The following RALGPS1 variants were observed in gnomAD, a reference collection of about 807,000 sequenced individuals.
RALGPS1 encodes Ral GEF with PH domain and SH3 binding motif 1, also known as ras-specific guanine nucleotide-releasing factor RalGPS1.
Under a neutral mutation model 78.8 loss-of-function variants are expected in RALGPS1, and 19 were observed. That is an observed-to-expected ratio of 0.24 (90% confidence interval 0.17 to 0.35). The LOEUF is 0.35. RALGPS1 is among the 10% of genes least tolerant of loss of function. RALGPS1 has a pLI of 1.00. For synonymous variants in RALGPS1, 228 were observed against 256.3 expected (o/e 0.89, Z 1.06); for missense variants, 454 against 688.3 (o/e 0.66, Z 3.81).
At chr9:127,185,213 C>A (rs1025186908) in intron 11 of RALGPS1, among the ~76,000 whole-genome samples, 1 of 152,164 alleles carries the variant, frequency 6.6e-6, no homozygotes, top group African/African-American at 2.4e-5. Flanking sequence ...AGCAAACTTT[C>A]TAGGGTACAC....
At chr9:127,182,824 T>C (rs757244470) in intron 11 of RALGPS1, among the ~76,000 whole-genome samples, 3 of 152,182 alleles carry the variant, frequency 2.0e-5, no homozygotes, top group Non-Finnish European at 2.9e-5. Flanking sequence ...CTAGTACCTA[T>C]TTTCTGTGTT....
rs550534519 is a variant in RALGPS1, at chr9:127,116,139, G to A, written c.610+46783G>A. On this transcript the variant is annotated intron_variant, in intron 8 of 18. Coordinates refer to ENST00000259351, the MANE Select transcript of RALGPS1 (RefSeq NM_014636.3). ...ATTGTGCATTGCTACTACCTGTCATGGGTGATGGGAGCCATGAGTCAGAGA... is the reference window on the plus strand; with the variant it reads ...ATTGTGCATTGCTACTACCTGTCATAGGTGATGGGAGCCATGAGTCAGAGA... Among the ~76,000 whole-genome samples the A allele has an allele frequency of 7.9e-5, 12 of 152,330 alleles. No individual in the cohort carries two copies. In the East Asian group the frequency reaches 2.1e-3, roughly 27 times the overall value.
At chr9:127,090,856 G>A (rs1009183554) in intron 8 of RALGPS1, among the ~76,000 whole-genome samples, 4 of 152,170 alleles carry the variant, frequency 2.6e-5, no homozygotes, top group Middle Eastern at 3.2e-3. Context: ...CCCTGGGGAG[G>A]CATTAACTGT....
intron 8 of RALGPS1, among the ~76,000 whole-genome samples, chr9:127,089,618 T>A (rs1274991189): frequency 6.6e-6 from 1 of 152,140 alleles, no homozygotes; most frequent in African/African-American, 2.4e-5. Context: ...CTTTAAAGAA[T>A]GACAAAGAAA....
intron 1 of RALGPS1, among the ~76,000 whole-genome samples, chr9:126,946,203 A>G (rs992392625): frequency 4.6e-5 from 7 of 152,036 alleles, no homozygotes; most frequent in East Asian, 3.9e-4. Context: ...GTTCCAGACA[A>G]TGTTGCCTGC....
chr9:127,018,647 GATAATA>G (rs34742580), intron 4 of RALGPS1, among the ~76,000 whole-genome samples: 2,247 of 147,006 alleles, frequency 0.015, 57 homozygotes, highest in East Asian at 0.087. Context: ...TAATAATGAT[GATAATA>G]ATAATAATAA....
chr9:126,965,150 C>T (rs1047552267), intron 2 of RALGPS1, among the ~76,000 whole-genome samples: 2 of 152,162 alleles, frequency 1.3e-5, no homozygotes, highest in African/African-American at 4.8e-5. Flanking sequence ...CATATACATG[C>T]AGGATGCAGA....
intron 8 of RALGPS1, chr9:127,107,973 G>A: frequency 6.4e-7 from 1 of 1,574,298 alleles, no homozygotes; most frequent in Non-Finnish European, 8.7e-7. Context: ...TGGGCAGAGG[G>A]GGTGGCAGCA....
At chr9:126,962,939 G>T (rs1344726072) in intron 2 of RALGPS1, among the ~76,000 whole-genome samples, 1 of 152,198 alleles carries the variant, frequency 6.6e-6, no homozygotes, top group African/African-American at 2.4e-5. Flanking sequence ...GCCATACCAG[G>T]GTTTGAGCCC....
intron 1 of RALGPS1, among the ~76,000 whole-genome samples, chr9:126,918,537 G>C (rs1225832030): frequency 1.3e-5 from 2 of 152,048 alleles, no homozygotes; most frequent in African/African-American, 4.8e-5. Flanking sequence ...TGCCCAGGCT[G>C]GTCTCGAACT....
chr9:127,214,927 T>C, intron 18 of RALGPS1, 85 bp downstream of exon 18: 1 of 1,585,446 alleles, frequency 6.3e-7, no homozygotes, highest in Non-Finnish European at 8.5e-7. Flanking sequence ...AGGGTTCCCT[T>C]CTTCTTTCAG....
chr9:127,034,809 G>A (rs1432326370), intron 5 of RALGPS1, among the ~76,000 whole-genome samples: 2 of 151,980 alleles, frequency 1.3e-5, no homozygotes, highest in African/African-American at 4.8e-5. Context: ...GGTGGATCTC[G>A]CTTCTGTCCA....
chr9:127,022,353 A>G (rs2045536485), intron 4 of RALGPS1, among the ~76,000 whole-genome samples: 1 of 151,534 alleles, frequency 6.6e-6, no homozygotes, highest in Non-Finnish European at 1.5e-5. Flanking sequence ...CCGTGCACTT[A>G]CCAAACTTGA....
intron 1 of RALGPS1, among the ~76,000 whole-genome samples, chr9:126,929,658 T>C (rs868722896): frequency 3.3e-5 from 5 of 152,012 alleles, no homozygotes; most frequent in African/African-American, 1.2e-4. Context: ...GAGACGGAGT[T>C]TCTCCATGTT....
At chr9:127,016,778 C>A in intron 4 of RALGPS1, 1 of 152,380 alleles carries the variant, frequency 6.6e-6, no homozygotes, top group Non-Finnish European at 1.5e-5. Context: ...TGACCTTGCC[C>A]TCTGGTTCTT....
At chr9:127,210,132 C>T (rs1007461027) in intron 14 of RALGPS1, among the ~76,000 whole-genome samples, 1 of 152,220 alleles carries the variant, frequency 6.6e-6, no homozygotes, top group African/African-American at 2.4e-5. Flanking sequence ...AGAGGGCCGC[C>T]CACGGAGCAA....
chr9:126,981,019 A>G (rs1309549172), intron 4 of RALGPS1, among the ~76,000 whole-genome samples: 1 of 152,180 alleles, frequency 6.6e-6, no homozygotes, highest in African/African-American at 2.4e-5. Flanking sequence ...GACATCAGCC[A>G]CTTCCTAGCT....
chr9:126,988,351 G>T (rs190640929), intron 4 of RALGPS1, among the ~76,000 whole-genome samples: 1 of 152,168 alleles, frequency 6.6e-6, no homozygotes, highest in Admixed American at 6.5e-5. Flanking sequence ...GCTTAGATGT[G>T]CCTGACTAAG....
At chr9:126,950,851 A>AC (rs200512616) in intron 1 of RALGPS1, among the ~76,000 whole-genome samples, 1 of 150,642 alleles carries the variant, frequency 6.6e-6, no homozygotes, top group Non-Finnish European at 1.5e-5. Flanking sequence ...CAAAAAAAAA[A>AC]CCCTTCAAAA....
Sources: gnomAD v4.1 joint callset for allele counts (sites outside exome capture counted in the v4.1 genomes callset) on GRCh38, gnomAD v4.1.1 for gene constraint, MANE v1.5 for transcripts, NCBI Gene and HGNC (gene_info 2026-07-23, HGNC 2026-07-21) for gene names.